The following SSBP2 variants were observed in gnomAD, a reference collection of about 807,000 sequenced individuals.
SSBP2 encodes single stranded DNA binding protein 2.
SSBP2 carries 17 observed loss-of-function variants against 61.8 expected under a neutral mutation model. That is an observed-to-expected ratio of 0.28 (90% CI 0.19 to 0.41). The LOEUF is 0.41. Ranked by LOEUF, SSBP2 falls within the 10% of genes least tolerant of loss-of-function variation. The pLI, the probability that SSBP2 is intolerant of heterozygous loss-of-function variation, is 1.00. For synonymous variants in SSBP2, 139 were observed against 141.3 expected, an observed-to-expected ratio of 0.98 and a Z score of 0.12; for missense variants, 310 against 458.7, an observed-to-expected ratio of 0.68 and a Z score of 2.96.
chr5:81,526,057 C>G (rs1769911034), intron 4 of SSBP2, among the ~76,000 whole-genome samples: 1 of 151,948 alleles, frequency 6.6e-6, no homozygotes, highest in African/African-American at 2.4e-5. Context: ...ATATCATATC[C>G]CATATACGTC....
intron 1 of SSBP2, among the ~76,000 whole-genome samples, chr5:81,745,066 A>G (rs1200359884): frequency 6.6e-6 from 1 of 152,160 alleles, no homozygotes; most frequent in African/African-American, 2.4e-5. Context: ...CATGACAAAA[A>G]TTACCATTTA....
chr5:81,551,096 GAAAAAA>G (rs35816072), intron 4 of SSBP2, among the ~76,000 whole-genome samples: 21 of 80,220 alleles, frequency 2.6e-4, no homozygotes, highest in Admixed American at 1.7e-3. Flanking sequence ...ACTCCATCTC[GAAAAAA>G]AAAAAAAAAA....
chr5:81,498,667 G>A (rs932070880), intron 5 of SSBP2, among the ~76,000 whole-genome samples: 10 of 151,540 alleles, frequency 6.6e-5, no homozygotes, highest in African/African-American at 1.9e-4. Context: ...TATCTTTCCC[G>A]TATATAATTT....
rs4703525 is a variant in SSBP2, at chr5:81,415,159, G to C, written c.*5345C>G. The C allele has an allele frequency of 0.15, 22,369 of 152,150 alleles. 2,142 individuals are homozygous for C. The highest frequency in any genetic ancestry group is 0.2 in the Admixed American group (3,131 of 15,290). 9.4% of individuals were successfully genotyped at this position (152,150 alleles called of 1,614,324 possible). ...CACCAGGAGGGAAAAACAGAAAGAA[G>C]ATTCAACTACTTTTGGCAAATATAT... On this transcript the variant is annotated 3_prime_UTR_variant, in exon 17 of 17. Coordinates refer to ENST00000320672, the MANE Select transcript of SSBP2 (RefSeq NM_012446.5).
At chr5:81,654,619 A>G (rs1750047877) in intron 1 of SSBP2, among the ~76,000 whole-genome samples, 1 of 152,168 alleles carries the variant, frequency 6.6e-6, no homozygotes, top group Non-Finnish European at 1.5e-5. Context: ...TATTTGCTGT[A>G]GCTTCAGATT....
At chr5:81,661,288 C>T (rs1750673302) in intron 1 of SSBP2, among the ~76,000 whole-genome samples, 1 of 152,132 alleles carries the variant, frequency 6.6e-6, no homozygotes, top group East Asian at 1.9e-4. Flanking sequence ...CATATCTTGT[C>T]TATTGTGATT....
chr5:81,519,938 TTTTA>T (rs1769333574), intron 4 of SSBP2, among the ~76,000 whole-genome samples: 1 of 152,090 alleles, frequency 6.6e-6, no homozygotes, highest in Non-Finnish European at 1.5e-5. Flanking sequence ...CTTTTAAAGG[TTTTA>T]TTTATTTTCA....
At chr5:81,635,266 G>GT (rs1748102198) in intron 3 of SSBP2, among the ~76,000 whole-genome samples, 2 of 151,506 alleles carry the variant, frequency 1.3e-5, no homozygotes, top group African/African-American at 2.4e-5. Context: ...GTTGAGCACT[G>GT]TATCAGGTCA....
chr5:81,668,855 CA>C (rs1332610597), intron 1 of SSBP2, among the ~76,000 whole-genome samples: 3 of 152,056 alleles, frequency 2.0e-5, no homozygotes, highest in Non-Finnish European at 2.9e-5. Flanking sequence ...ATTATCTTTA[CA>C]AATTATTTCC....
chr5:81,734,071 A>T (rs1756439385), intron 1 of SSBP2, among the ~76,000 whole-genome samples: 1 of 152,230 alleles, frequency 6.6e-6, no homozygotes. Flanking sequence ...ACATTTTCTG[A>T]TCAGAATCAA....
intron 4 of SSBP2, among the ~76,000 whole-genome samples, chr5:81,577,340 A>C (rs79393925): frequency 0.031 from 4,642 of 152,110 alleles, 77 homozygotes; most frequent in African/African-American, 0.051. Context: ...CCCTTCTGAA[A>C]GACTGGCTTG....
rs1485598140 is a variant in SSBP2, at chr5:81,712,517, C to T, written c.62+38464G>A. On this transcript the variant is annotated intron_variant, in intron 1 of 16. Transcript: ENST00000320672. ...TCGGGAGGCTGAGGCAGGAGAATGG[C>T]GTGAACCCGGGAAGCGGAGCTTGCA... 1.1e-4 allele frequency among the ~76,000 whole-genome samples: 2 copies of T among 18,972 alleles called. 1 individual carries two copies. The highest frequency in any genetic ancestry group is 5.4e-4 in the African/African-American group (2 of 3,728). 12.4% of individuals were successfully genotyped at this position (18,972 alleles called of 152,430 possible).
At chr5:81,542,831 C>CTCTCTT (rs1215219461) in intron 4 of SSBP2, among the ~76,000 whole-genome samples, 2 of 149,490 alleles carry the variant, frequency 1.3e-5, no homozygotes, top group Admixed American at 6.6e-5. Flanking sequence ...CTCTCTCTCT[C>CTCTCTT]TCTCTCTCTC....
chr5:81,744,183 T>C (rs9688025), intron 1 of SSBP2, among the ~76,000 whole-genome samples: 11,734 of 152,250 alleles, frequency 0.077, 1,490 homozygotes, highest in African/African-American at 0.27. Flanking sequence ...TAATTTTCTA[T>C]GACAAAACAC....
intron 4 of SSBP2, among the ~76,000 whole-genome samples, chr5:81,522,665 T>C (rs929842857): frequency 6.6e-6 from 1 of 152,126 alleles, no homozygotes; most frequent in South Asian, 2.1e-4. Flanking sequence ...TTTGGAAAGT[T>C]AGGTACTAGA....
chr5:81,511,158 T>C (rs1419146938), intron 5 of SSBP2, among the ~76,000 whole-genome samples: 3 of 152,156 alleles, frequency 2.0e-5, no homozygotes, highest in African/African-American at 7.2e-5. Flanking sequence ...AAATGCGAAA[T>C]TGGATTTCAT....
intron 4 of SSBP2, among the ~76,000 whole-genome samples, chr5:81,522,693 T>C (rs567119096): frequency 6.6e-6 from 1 of 152,188 alleles, no homozygotes; most frequent in Admixed American, 6.6e-5. Flanking sequence ...TAGAAATCAT[T>C]TACATTATTC....
chr5:81,743,124 T>C (rs1310052865), intron 1 of SSBP2, among the ~76,000 whole-genome samples: 2 of 152,190 alleles, frequency 1.3e-5, no homozygotes, highest in Non-Finnish European at 2.9e-5. Flanking sequence ...AGATAAAAGA[T>C]ATCAATCCTA....
intron 4 of SSBP2, among the ~76,000 whole-genome samples, chr5:81,517,140 T>C (rs1031377459): frequency 1.3e-5 from 2 of 152,110 alleles, no homozygotes; most frequent in Non-Finnish European, 2.9e-5. Flanking sequence ...TGAGTTTTCA[T>C]TATAGCTCTC....
Sources: allele counts gnomAD v4.1 joint callset (sites outside exome capture counted in the v4.1 genomes callset), GRCh38; gene constraint gnomAD v4.1.1; transcripts MANE v1.5; gene names NCBI Gene and HGNC (gene_info 2026-07-23, HGNC 2026-07-21).